The following ZFHX3 variants were observed in gnomAD, a reference collection of about 807,000 sequenced individuals.
ZFHX3 encodes zinc finger homeobox protein 3.
A neutral mutation model predicts 279.1 loss-of-function variants in ZFHX3; 42 were observed. That is an observed-to-expected ratio of 0.15 (90% CI 0.12 to 0.19). ZFHX3 has a LOEUF of 0.19. Ranked by LOEUF, ZFHX3 falls within the 10% of genes least tolerant of loss-of-function variation. The pLI is 1.00. For missense variants in ZFHX3, 4,981 were observed against 4,754.0 expected (o/e 1.05, Z -1.40); for synonymous variants, 2,293 against 1,957.8 (o/e 1.17, Z -4.52).
At chr16:73,678,638 A>G (rs534518851) in intron 2 of ZFHX3, among the ~76,000 whole-genome samples, 1 of 152,300 alleles carries the variant, frequency 6.6e-6, no homozygotes, top group East Asian at 1.9e-4. Context: ...CTATGTGCCA[A>G]TGGCAAGTGT....
intron 1 of ZFHX3, among the ~76,000 whole-genome samples, chr16:73,734,140 T>A (rs140836524): frequency 1.2e-4 from 18 of 152,314 alleles, no homozygotes; most frequent in African/African-American, 4.1e-4. Context: ...ACTGCTGATC[T>A]GACAGGAGGT....
chr16:73,361,593 C>T (rs560142478), intron 3 of ZFHX3, among the ~76,000 whole-genome samples: 140 of 152,290 alleles, frequency 9.2e-4, no homozygotes, highest in Non-Finnish European at 1.7e-3. Context: ...GGAATCTCTT[C>T]ATTTTTAAAA....
rs1000546151 is a variant in ZFHX3 at position 73,000,965 on chromosome 16, C to T, written c.-49-40771G>A. On this transcript the variant is annotated intron_variant, in intron 1 of 9. Coordinates refer to ENST00000268489, the MANE Select transcript of ZFHX3 (RefSeq NM_006885.4). ...AGTCCTTATGATCCCTGGTGGGCAGCCTCTAAGCCAGATCCTCCAATCCCA... is the reference window on the plus strand; with the variant it reads ...AGTCCTTATGATCCCTGGTGGGCAGTCTCTAAGCCAGATCCTCCAATCCCA... Among the ~76,000 whole-genome samples, 6 of 152,300 alleles carry T rather than the reference C, an allele frequency of 3.9e-5. No individual in the cohort carries two copies. The East Asian group carries it at 1.2e-3, about 29-fold the overall frequency.
At position 73,490,932 on chromosome 16, in the gene ZFHX3, T is replaced by C. The variant is rs150347117; in HGVS notation, c.-1546-34674A>G. Among the ~76,000 whole-genome samples, 1,034 of 152,338 alleles carry C rather than the reference T, an allele frequency of 6.8e-3. 21 individuals carry two copies. Among genetic ancestry groups the C allele is most frequent in the African/African-American group, 0.024 (990 of 41,586 alleles). ...GATATTTCTTTGAATGAATATATAA[T>C]ACAATGTCAGATTTCTCCTGTGACT... On this transcript the variant is annotated intron_variant, in intron 2 of 17. Coordinates refer to the ZFHX3 transcript ENST00000641206.
chr16:73,598,817 G>A (rs942761720), intron 2 of ZFHX3, among the ~76,000 whole-genome samples: 2 of 152,212 alleles, frequency 1.3e-5, no homozygotes, highest in Admixed American at 1.3e-4. Flanking sequence ...AGGCTGGAGT[G>A]CAGTGGTGCA....
At chr16:73,453,763 T>C (rs1403643683) in intron 3 of ZFHX3, among the ~76,000 whole-genome samples, 4 of 152,188 alleles carry the variant, frequency 2.6e-5, no homozygotes, top group East Asian at 1.9e-4. Flanking sequence ...TTCACAATCA[T>C]GGTGGAAGGT....
chr16:73,525,580 T>C (rs1186729225), intron 2 of ZFHX3, among the ~76,000 whole-genome samples: 1 of 152,142 alleles, frequency 6.6e-6, no homozygotes, highest in South Asian at 2.1e-4. Flanking sequence ...TGCATCTTGG[T>C]ACAAGGGTAC....
intron 3 of ZFHX3, among the ~76,000 whole-genome samples, chr16:73,370,285 T>A (rs2016603570): frequency 6.6e-6 from 1 of 152,256 alleles, no homozygotes. Flanking sequence ...TCAGAACGGC[T>A]ACATCTGACA....
At chr16:73,814,534 A>G (rs2019175) in intron 1 of ZFHX3, among the ~76,000 whole-genome samples, 39,735 of 151,894 alleles carry the variant, frequency 0.26, 6,686 homozygotes, top group African/African-American at 0.46. Context: ...TTGTTTAAGA[A>G]AGCTTAACAC....
chr16:73,503,498 C>T (rs1322002600), intron 2 of ZFHX3, among the ~76,000 whole-genome samples: 3 of 152,146 alleles, frequency 2.0e-5, no homozygotes, highest in Non-Finnish European at 2.9e-5. Context: ...TACTCCATGG[C>T]GGCACCTACC....
At chr16:73,444,040 C>T (rs543386311) in intron 3 of ZFHX3, among the ~76,000 whole-genome samples, 64 of 152,336 alleles carry the variant, frequency 4.2e-4, no homozygotes, top group Non-Finnish European at 7.8e-4. Flanking sequence ...GGATTACAGG[C>T]GTGAGCCACC....
At chr16:72,857,020 A>G (rs931867662) in intron 4 of ZFHX3, among the ~76,000 whole-genome samples, 9 of 152,184 alleles carry the variant, frequency 5.9e-5, no homozygotes, top group African/African-American at 2.2e-4. Context: ...CCTCCACAGG[A>G]GCTAAATGCA....
chr16:73,311,123 C>T (rs969437849), intron 4 of ZFHX3, among the ~76,000 whole-genome samples: 1 of 152,034 alleles, frequency 6.6e-6, no homozygotes, highest in Non-Finnish European at 1.5e-5. Flanking sequence ...ATCCCAGCTA[C>T]TTGGGAGGCT....
intron 1 of ZFHX3, among the ~76,000 whole-genome samples, chr16:73,831,421 G>C (rs900931984): frequency 6.6e-6 from 1 of 152,164 alleles, no homozygotes; most frequent in African/African-American, 2.4e-5. Flanking sequence ...TCGTTTATTA[G>C]AGCATAAGAA....
chr16:73,512,424 G>T (rs748408486), intron 2 of ZFHX3, among the ~76,000 whole-genome samples: 2 of 139,052 alleles, frequency 1.4e-5, no homozygotes, highest in South Asian at 4.7e-4. Flanking sequence ...CTCCAGCCTG[G>T]CAACAGAGCG....
intron 4 of ZFHX3, chr16:73,318,217 A>G (rs2015497776): frequency 6.6e-6 from 1 of 152,118 alleles, no homozygotes; most frequent in Non-Finnish European, 1.5e-5. Flanking sequence ...AAACCCAACC[A>G]TAATATAATA....
intron 4 of ZFHX3, among the ~76,000 whole-genome samples, chr16:73,284,355 T>C (rs945963404): frequency 1.3e-5 from 2 of 149,932 alleles, no homozygotes; most frequent in Admixed American, 6.6e-5. Flanking sequence ...AAAATAAATA[T>C]GATCCTGAAT....
At chr16:73,784,796 A>ATATATATAT (rs1555501448) in intron 1 of ZFHX3, among the ~76,000 whole-genome samples, 2 of 131,082 alleles carry the variant, frequency 1.5e-5, no homozygotes, top group Admixed American at 7.8e-5. Flanking sequence ...TAAAAAAAAA[A>ATATATATAT]ATATATATAT....
At chr16:73,262,562 G>A (rs1386913701) in intron 4 of ZFHX3, among the ~76,000 whole-genome samples, 1 of 149,244 alleles carries the variant, frequency 6.7e-6, no homozygotes, top group African/African-American at 2.5e-5. Flanking sequence ...CAGATGATGA[G>A]ACAAGGTAAA....
Sources: gnomAD v4.1 joint callset for allele counts (sites outside exome capture counted in the v4.1 genomes callset) on GRCh38, gnomAD v4.1.1 for gene constraint, MANE v1.5 for transcripts, NCBI Gene and HGNC (gene_info 2026-07-23, HGNC 2026-07-21) for gene names.